The following PIK3C2G variants were observed in gnomAD, a reference collection of about 807,000 sequenced individuals.
The protein encoded by PIK3C2G is phosphatidylinositol-4-phosphate 3-kinase catalytic subunit type 2 gamma.
Under a neutral mutation model 181.1 loss-of-function variants are expected in PIK3C2G, and 168 were observed. The ratio of observed to expected loss-of-function variants is 0.93; its 90% CI spans 0.82 to 1.05. The LOEUF is 1.05. Ranked by LOEUF, PIK3C2G falls within the 50% of genes least tolerant of loss-of-function variation. The pLI is 0.00. For synonymous variants in PIK3C2G, 573 were observed against 592.2 expected, an observed-to-expected ratio of 0.97 and a Z score of 0.47; for missense variants, 1,869 against 1,732.8, an observed-to-expected ratio of 1.08 and a Z score of -1.40.
chr12:18,534,793 A>G (rs1943755786), intron 24 of PIK3C2G, among the ~76,000 whole-genome samples: 1 of 151,122 alleles, frequency 6.6e-6, no homozygotes, highest in South Asian at 2.1e-4. Context: ...GTTTTAGAAC[A>G]TCAGGTGAGA....
chr12:18,594,615 A>G (rs1947257500), intron 30 of PIK3C2G, 46 bp downstream of exon 30: 5 of 996,098 alleles, frequency 5.0e-6, no homozygotes, highest in Non-Finnish European at 5.8e-6. Context: ...TTTCAAAATA[A>G]TTGGACAAAA....
the PIK3C2G span, chr12:18,683,081 C>T: frequency 1.4e-6 from 1 of 692,228 alleles, no homozygotes; most frequent in African/African-American, 1.8e-5. Context: ...TTTTCTTCCA[C>T]TGATTTATTT....
At chr12:18,639,717 A>G (rs1172644110) in intron 31 of PIK3C2G, among the ~76,000 whole-genome samples, 1 of 152,158 alleles carries the variant, frequency 6.6e-6, no homozygotes, top group Non-Finnish European at 1.5e-5. Flanking sequence ...TTCTGAAGCC[A>G]GGAAGGGGAG....
At chr12:18,704,355 T>G in the PIK3C2G span, among the ~76,000 whole-genome samples, 1 of 152,072 alleles carries the variant, frequency 6.6e-6, no homozygotes, top group African/African-American at 2.4e-5. Context: ...GAAGGAGTTT[T>G]GTTCTTTTTG....
chr12:18,364,372 G>A (rs1238929765), intron 12 of PIK3C2G, among the ~76,000 whole-genome samples: 1 of 152,114 alleles, frequency 6.6e-6, no homozygotes, highest in Non-Finnish European at 1.5e-5. Context: ...AACCCTTCCT[G>A]TATCATTGGG....
intron 9 of PIK3C2G, among the ~76,000 whole-genome samples, chr12:18,343,013 T>C (rs898456437): frequency 4.6e-5 from 7 of 152,078 alleles, no homozygotes; most frequent in Non-Finnish European, 1.0e-4. Context: ...CAGAGAGAAT[T>C]AGAAATGCAC....
chr12:18,423,253 C>A (rs1945593861), intron 17 of PIK3C2G, among the ~76,000 whole-genome samples: 1 of 151,652 alleles, frequency 6.6e-6, no homozygotes, highest in Non-Finnish European at 1.5e-5. Context: ...TTTATGAGAA[C>A]TGGGTTTTCA....
intron 6 of PIK3C2G, among the ~76,000 whole-genome samples, chr12:18,316,747 A>AATC (rs1227149158): frequency 2.6e-5 from 4 of 152,032 alleles, no homozygotes; most frequent in Non-Finnish European, 5.9e-5. Flanking sequence ...TAATAATAAT[A>AATC]ATAAAATAAT....
At chr12:18,306,133 C>T (rs989933110) in intron 5 of PIK3C2G, among the ~76,000 whole-genome samples, 55 of 151,714 alleles carry the variant, frequency 3.6e-4, no homozygotes, top group African/African-American at 1.2e-3. Context: ...ACTATATGTA[C>T]GAAGAAAAAT....
chr12:18,424,038 T>A lies in PIK3C2G; in HGVS notation c.2503T>A (p.Trp835Arg). The change falls in exon 18 of 33, where the codon TGG becomes AGG. Residue 835 changes from tryptophan (W) to arginine (R), a missense_variant and splice_region_variant. Coordinates refer to ENST00000538779, the MANE Select transcript of PIK3C2G (RefSeq NM_001288772.2). ...QSIQVAHRLYWLLKNAENEAY... is the reference protein window; with the variant it reads ...QSIQVAHRLYRLLKNAENEAY... Reference sequence around the variant, plus strand: ...CATCCAGGTTGCCCATCGTCTTTACTGGTAAGATTAACTAAATCAGGCAAG... The same window carrying A: ...CATCCAGGTTGCCCATCGTCTTTACAGGTAAGATTAACTAAATCAGGCAAG... 1 of 1,598,840 alleles carries A rather than the reference T, an allele frequency of 6.3e-7. No homozygotes were observed. Among genetic ancestry groups the A allele is most frequent in the Non-Finnish European group, 8.6e-7 (1 of 1,168,726 alleles).
intron 25 of PIK3C2G, among the ~76,000 whole-genome samples, chr12:18,541,916 A>C (rs961711894): frequency 6.6e-6 from 1 of 151,890 alleles, no homozygotes; most frequent in African/African-American, 2.4e-5. Flanking sequence ...AATAAGGGCA[A>C]ACTTGGCACA....
At chr12:18,695,869 G>A in the PIK3C2G span, among the ~76,000 whole-genome samples, 148 of 152,102 alleles carry the variant, frequency 9.7e-4, no homozygotes, top group African/African-American at 3.4e-3. Context: ...ATGTCCATTT[G>A]GGTTTCCTTG....
At chr12:18,647,724 T>TAAAAATAAATAAAATA (rs1166120107) in intron 32 of PIK3C2G, among the ~76,000 whole-genome samples, 152 bp from the exon 33 acceptor site, 4 of 152,146 alleles carry the variant, frequency 2.6e-5, no homozygotes, top group Non-Finnish European at 5.9e-5. Context: ...CTTTTCAGAA[T>TAAAAATAAATAAAATA]AAAAGTTAGA....
the PIK3C2G span, among the ~76,000 whole-genome samples, chr12:18,675,412 C>T: frequency 2.6e-5 from 4 of 152,172 alleles, no homozygotes; most frequent in Non-Finnish European, 4.4e-5. Context: ...TATTGATACA[C>T]TGCTGGTGGG....
intron 31 of PIK3C2G, among the ~76,000 whole-genome samples, chr12:18,638,199 T>G (rs569752002): frequency 2.0e-5 from 3 of 152,064 alleles, no homozygotes; most frequent in Non-Finnish European, 4.4e-5. Context: ...CAGAGAGAGA[T>G]GAGACATGGG....
chr12:18,314,074 TC>T lies in PIK3C2G; in HGVS notation c.1137+11del. On this transcript the variant is annotated intron_variant, in intron 6 of 32. Coordinates refer to ENST00000538779, the MANE Select transcript of PIK3C2G (RefSeq NM_001288772.2). ...AAAGCTATCTCGAAAGGTAAGACTTTCTTAGCATTGGTTTCAATTGGCAAAC... is the reference window on the plus strand; with the variant it reads ...AAAGCTATCTCGAAAGGTAAGACTTTTTAGCATTGGTTTCAATTGGCAAAC... 7.0e-7 allele frequency: 1 copy of T among 1,420,516 alleles called. No individual in the cohort carries two copies. Among genetic ancestry groups the T allele is most frequent in the Non-Finnish European group, 9.8e-7 (1 of 1,025,546 alleles). The allele number at this position is 1,420,516 out of a possible 1,614,324, so 88.0% of individuals were successfully genotyped here. A position where few individuals can be genotyped will look rare whatever the true frequency, so the allele number is the denominator to read the frequency against.
At chr12:18,720,849 A>G in the PIK3C2G span, among the ~76,000 whole-genome samples, 67,433 of 151,878 alleles carry the variant, frequency 0.44, 17,740 homozygotes, top group East Asian at 0.64. Flanking sequence ...ATGATACAAT[A>G]CTAAGCAGCC....
rs550561703 is a variant in PIK3C2G at position 18,631,675 on chromosome 12, G to A, written c.4183-8754G>A. On this transcript the variant is annotated intron_variant, in intron 31 of 32. Coordinates refer to ENST00000538779, the MANE Select transcript of PIK3C2G (RefSeq NM_001288772.2). ...AGTCAGGGAATAAAGATATGTGGTG[G>A]CAGATGAACCAAAGCGAAAAAGAAG... 3.3e-5 allele frequency among the ~76,000 whole-genome samples: 5 copies of A among 152,272 alleles called. No homozygotes were observed. In the South Asian group the frequency reaches 1.0e-3, roughly 32 times the overall value.
chr12:18,623,356 T>C (rs1412052663), intron 31 of PIK3C2G, among the ~76,000 whole-genome samples: 1 of 151,594 alleles, frequency 6.6e-6, no homozygotes, highest in Non-Finnish European at 1.5e-5. Context: ...ACTGTACATG[T>C]GGGGGTTCTT....
Sources: allele counts gnomAD v4.1 joint callset (sites outside exome capture counted in the v4.1 genomes callset), GRCh38; gene constraint gnomAD v4.1.1; transcripts MANE v1.5; gene names NCBI Gene and HGNC (gene_info 2026-07-23, HGNC 2026-07-21).